Variants in ECT2L observed in about 807,000 individuals in gnomAD.
The protein encoded by ECT2L is epithelial cell-transforming sequence 2 oncogene-like.
Under a neutral mutation model 122.8 loss-of-function variants are expected in ECT2L, and 126 were observed. The ratio of observed to expected loss-of-function variants is 1.03; its 90% confidence interval spans 0.89 to 1.19. ECT2L has a LOEUF of 1.19. ECT2L is among the 50% of genes most tolerant of loss of function. The pLI, the probability that ECT2L is intolerant of heterozygous loss-of-function variation, is 0.00. For missense variants in ECT2L, 1,012 were observed against 1,064.1 expected, an observed-to-expected ratio of 0.95 and a Z score of 0.68; for synonymous variants, 385 against 381.8, an observed-to-expected ratio of 1.01 and a Z score of -0.10.
chr6:138,902,043 G>A (rs562545675), intron 21 of ECT2L, among the ~76,000 whole-genome samples: 39 of 152,264 alleles, frequency 2.6e-4, no homozygotes, highest in Non-Finnish European at 4.6e-4. Flanking sequence ...CTCCCACCAT[G>A]ACAATCAGCT....
chr6:138,851,013 A>AAAAAAAAAAAAAAAAAAAAAAAAAAG (rs1562474231), intron 9 of ECT2L, among the ~76,000 whole-genome samples: 1 of 148,228 alleles, frequency 6.7e-6, no homozygotes, highest in African/African-American at 2.6e-5. Context: ...AAAAAAAAAA[A>AAAAAAAAAAAAAAAAAAAAAAAAAAG]AAAAAAAAAA....
chr6:138,882,880 G>A lies in ECT2L; in HGVS notation c.2028+9G>A. 1.2e-6 allele frequency: 2 copies of A among 1,611,720 alleles called. No homozygotes were observed. The highest frequency in any genetic ancestry group is 1.7e-6 in the Non-Finnish European group (2 of 1,179,180). On this transcript the variant is annotated intron_variant, in intron 16 of 21. Transcript: ENST00000541398. ...TGAAAACTATTGAGAAGGTAAATGA[G>A]TTTCAATTCCATCATTCTATAAGAC...
intron 4 of ECT2L, among the ~76,000 whole-genome samples, chr6:138,830,123 G>A (rs998153349): frequency 2.6e-5 from 4 of 152,152 alleles, no homozygotes; most frequent in Non-Finnish European, 5.9e-5. Context: ...TTGAATTTTA[G>A]GGATTGCTTT....
chr6:138,838,638 C>A (rs1188120179), intron 5 of ECT2L, 124 bp downstream of exon 5: 2 of 900,610 alleles, frequency 2.2e-6, no homozygotes, highest in South Asian at 2.7e-5. Context: ...CATTAACTTA[C>A]CCTTGAGAGA....
In ECT2L at chr6:138,838,396, T is replaced by G. The variant is rs183610834; in HGVS notation, c.224T>G (p.Val75Gly). The G allele has an allele frequency of 3.1e-6, 5 of 1,611,910 alleles. No homozygotes were observed. The change falls in exon 5 of 22, where the codon GTG becomes GGG. Residue 75 changes from valine to glycine, a missense_variant. By Grantham distance (109) the Val-to-Gly change is moderately radical. Coordinates refer to ENST00000541398, the MANE Select transcript of ECT2L (RefSeq NM_001077706.3). ...TCAGAAAGGATGCAAGTGGCCAAAG[T>G]GGACTTCTCTACAGTGTTACCACGC... ...WFSERMQVAK[V>G]DFSTVLPRFI...
At chr6:138,801,158 C>A (rs1400413218) in intron 1 of ECT2L, among the ~76,000 whole-genome samples, 2 of 152,176 alleles carry the variant, frequency 1.3e-5, no homozygotes, top group Non-Finnish European at 2.9e-5. Flanking sequence ...CAAACCATAG[C>A]AATTATGGTT....
chr6:138,885,831 G>C lies in ECT2L; in HGVS notation c.2259+1G>C. ...AAAATATAAAGGTTATATAGATCAGGTTGGTTGCTGATAAGAATCTGTGTC... is the reference window on the plus strand; with the variant it reads ...AAAATATAAAGGTTATATAGATCAGCTTGGTTGCTGATAAGAATCTGTGTC... On this transcript the variant is annotated splice_donor_variant, in intron 18 of 21. Coordinates refer to ENST00000541398, the MANE Select transcript of ECT2L (RefSeq NM_001077706.3). LOFTEE classifies it high-confidence loss of function. 6.2e-7 allele frequency: 1 copy of C among 1,611,606 alleles called. No individual in the cohort carries two copies.
chr6:138,899,957 C>T (rs1411833319), intron 20 of ECT2L, among the ~76,000 whole-genome samples: 3 of 152,154 alleles, frequency 2.0e-5, no homozygotes, highest in Non-Finnish European at 2.9e-5. Flanking sequence ...ACAGCAATCT[C>T]GCTCCAATGA....
rs536950446 is a variant in ECT2L at position 138,902,901 on chromosome 6, T to C, written c.*274T>C. The C allele has an allele frequency of 8.3e-6, 3 of 361,188 alleles. No individual in the cohort carries two copies. The highest frequency in any genetic ancestry group is 6.5e-5 in the African/African-American group (3 of 46,324). 22.4% of individuals were successfully genotyped at this position (361,188 alleles called of 1,614,324 possible). ...TATTATTTAGAGTAATTTGATGTGA[T>C]GAAACCTAAGACAGAGCAAGCACAT... On this transcript the variant is annotated 3_prime_UTR_variant, in exon 22 of 22. Transcript: ENST00000541398.
chr6:138,824,494 T>A (rs1776362934), intron 4 of ECT2L, among the ~76,000 whole-genome samples: 1 of 144,980 alleles, frequency 6.9e-6, no homozygotes, highest in African/African-American at 2.5e-5. Context: ...CTGTTTTTTT[T>A]AAATTTGTAA....
intron 11 of ECT2L, among the ~76,000 whole-genome samples, chr6:138,864,002 T>TAAAAAAAAAAAA (rs1172466449): frequency 3.6e-5 from 2 of 55,872 alleles, no homozygotes; most frequent in African/African-American, 1.6e-4. Context: ...TCTCCGTATT[T>TAAAAAAAAAAAA]AAAAAAAAAA....
chr6:138,804,994 T>C (rs1775666986), intron 1 of ECT2L, among the ~76,000 whole-genome samples: 1 of 152,124 alleles, frequency 6.6e-6, no homozygotes, highest in Non-Finnish European at 1.5e-5. Flanking sequence ...CTCCCAATCA[T>C]TACCCTCTCT....
chr6:138,823,034 T>C (rs1351166345), intron 4 of ECT2L: 2 of 1,609,258 alleles, frequency 1.2e-6, no homozygotes, highest in African/African-American at 2.7e-5. Flanking sequence ...CTCTGCCTTT[T>C]TGGGCTGTTA....
At chr6:138,810,656 AACT>A (rs1775863349) in intron 1 of ECT2L, among the ~76,000 whole-genome samples, 1 of 152,184 alleles carries the variant, frequency 6.6e-6, no homozygotes, top group South Asian at 2.1e-4. Flanking sequence ...AGCCTTCTGA[AACT>A]GCATTTCAGG....
chr6:138,858,992 G>T (rs571249775), intron 10 of ECT2L, among the ~76,000 whole-genome samples: 6 of 151,818 alleles, frequency 4.0e-5, no homozygotes, highest in Admixed American at 1.3e-4. Flanking sequence ...GCACCATCCC[G>T]CCTGGCCTAG....
intron 8 of ECT2L, 148 bp from the exon 9 acceptor site, chr6:138,849,121 G>A (rs545418415): frequency 4.1e-6 from 3 of 739,934 alleles, no homozygotes; most frequent in East Asian, 6.5e-5. Context: ...AATTTTAATA[G>A]AAACCAAGGA....
At chr6:138,817,988 C>T (rs1776126760) in intron 4 of ECT2L, among the ~76,000 whole-genome samples, 1 of 152,192 alleles carries the variant, frequency 6.6e-6, no homozygotes, top group Admixed American at 6.5e-5. Context: ...GTCTGTTACA[C>T]TCAGAGAAAC....
chr6:138,822,047 C>A (rs770211142), intron 4 of ECT2L, among the ~76,000 whole-genome samples: 1 of 152,272 alleles, frequency 6.6e-6, no homozygotes, highest in Non-Finnish European at 1.5e-5. Context: ...TAAGCCACTA[C>A]ATTTGTGGTA....
chr6:138,844,580 G>A lies in ECT2L; in HGVS notation c.764G>A (p.Arg255Gln), dbSNP rs201412215. Residue 255 changes from arginine (R) to glutamine (Q), a missense_variant and splice_region_variant, in exon 7 of 22, where the codon CGA becomes CAA. Coordinates refer to ENST00000541398, the MANE Select transcript of ECT2L (RefSeq NM_001077706.3). ...ACATCGTTAGAAACCTTGCCCAAGC[G>A]GTAAGCAAAATTCCATCTACTGAAG... The part of the protein sequence containing the change: ...VLTSLETLPK[R>Q]SNISGSHSYP... 61 of 1,613,540 alleles carry A rather than the reference G, an allele frequency of 3.8e-5. 1 individual carries two copies. In the South Asian group the frequency reaches 4.9e-4, roughly 13 times the overall value.
Sources: allele counts gnomAD v4.1 joint callset (sites outside exome capture counted in the v4.1 genomes callset), GRCh38; gene constraint gnomAD v4.1.1; transcripts MANE v1.5; gene names NCBI Gene and HGNC (gene_info 2026-07-23, HGNC 2026-07-21).